The following CDH12 variants were observed in gnomAD, a reference collection of about 807,000 sequenced individuals.
CDH12 encodes the protein cadherin-12.
In CDH12, 41 loss-of-function variants were observed where a neutral mutation model predicts 74.1. The observed-to-expected ratio is 0.55, with a 90% CI of 0.43 to 0.72. The LOEUF (loss-of-function observed/expected upper bound fraction) is 0.72. Ranked by LOEUF, CDH12 falls within the 30% of genes least tolerant of loss-of-function variation. The probability of loss-of-function intolerance (pLI) is 0.00; values close to 1 mark genes in which losing one functional copy is unlikely to be tolerated. For missense variants in CDH12, 945 were observed against 977.2 expected (o/e 0.97, Z 0.44); for synonymous variants, 399 against 355.0 (o/e 1.12, Z -1.39).
rs1372983211 is a variant in CDH12, at chr5:22,387,606, A to G, written c.-333+17651T>C. Among the ~76,000 whole-genome samples, 3 of 152,186 alleles carry G rather than the reference A, an allele frequency of 2.0e-5. No homozygotes were observed. The East Asian group carries it at 5.8e-4, about 29-fold the overall frequency. ...ATAGAATATTGAATATGTAGGATAG[A>G]AGTCAGTTATCTCAGTAAAGTGGTA... On this transcript the variant is annotated intron_variant, in intron 3 of 14. Coordinates refer to ENST00000382254, the MANE Select transcript of CDH12 (RefSeq NM_004061.5).
intron 6 of CDH12, among the ~76,000 whole-genome samples, chr5:21,899,268 A>G (rs1753272531): frequency 6.6e-6 from 1 of 152,214 alleles, no homozygotes; most frequent in African/African-American, 2.4e-5. Flanking sequence ...CTTTATGTAC[A>G]CATTAGCTTT....
intron 4 of CDH12, among the ~76,000 whole-genome samples, chr5:22,111,028 T>C (rs1368394770): frequency 6.6e-6 from 1 of 152,216 alleles, no homozygotes; most frequent in African/African-American, 2.4e-5. Flanking sequence ...TGGCATATTC[T>C]TAACTCCTTG....
chr5:22,210,527 G>T (rs1561223621), intron 4 of CDH12, among the ~76,000 whole-genome samples: 2 of 151,002 alleles, frequency 1.3e-5, no homozygotes, highest in African/African-American at 4.9e-5. Flanking sequence ...GGTACGTATG[G>T]TTGTTTGTTA....
At chr5:22,795,403 C>G (rs13354695) in intron 1 of CDH12, among the ~76,000 whole-genome samples, 386 of 152,060 alleles carry the variant, frequency 2.5e-3, no homozygotes, top group African/African-American at 8.9e-3. Flanking sequence ...AGTCCTAAAC[C>G]TGACATAAGG....
chr5:22,013,005 A>G (rs1737388182), intron 5 of CDH12, among the ~76,000 whole-genome samples: 1 of 148,792 alleles, frequency 6.7e-6, no homozygotes, highest in Non-Finnish European at 1.5e-5. Flanking sequence ...ATTGTATTAC[A>G]ATTTATACCA....
chr5:22,591,289 G>C (rs1736302405), intron 1 of CDH12, among the ~76,000 whole-genome samples: 1 of 152,118 alleles, frequency 6.6e-6, no homozygotes, highest in Admixed American at 6.6e-5. Flanking sequence ...TTGGTCAACT[G>C]AGAAAGAGTA....
At chr5:22,719,135 T>A (rs1158982824) in intron 1 of CDH12, among the ~76,000 whole-genome samples, 1 of 152,152 alleles carries the variant, frequency 6.6e-6, no homozygotes. Flanking sequence ...AGGGCAGTCT[T>A]GTGGGGATGG....
At chr5:22,192,670 G>C (rs887760525) in intron 4 of CDH12, among the ~76,000 whole-genome samples, 1 of 152,012 alleles carries the variant, frequency 6.6e-6, no homozygotes, top group Non-Finnish European at 1.5e-5. Flanking sequence ...AATGGTGAGA[G>C]GTAAGGAGGG....
intron 3 of CDH12, among the ~76,000 whole-genome samples, chr5:22,222,923 T>G (rs77432088): frequency 0.01 from 1,547 of 152,110 alleles, 27 homozygotes; most frequent in African/African-American, 0.036. Flanking sequence ...TTCTAATTAT[T>G]CAAGAATTAT....
At chr5:22,543,409 G>A (rs941290135) in intron 1 of CDH12, among the ~76,000 whole-genome samples, 1 of 151,890 alleles carries the variant, frequency 6.6e-6, no homozygotes, top group African/African-American at 2.4e-5. Flanking sequence ...CAGAAAACCT[G>A]GTGAACTCAG....
intron 1 of CDH12, among the ~76,000 whole-genome samples, chr5:22,615,745 C>T (rs561146199): frequency 6.6e-6 from 1 of 152,176 alleles, no homozygotes; most frequent in South Asian, 2.1e-4. Flanking sequence ...TCAGTACAAG[C>T]TACACTGCCA....
chr5:22,510,389 G>T (rs947916056), intron 1 of CDH12, among the ~76,000 whole-genome samples: 1 of 152,084 alleles, frequency 6.6e-6, no homozygotes. Context: ...GAAAAAAAAC[G>T]TATGTTATTG....
chr5:22,810,353 T>C (rs918236810), intron 1 of CDH12, among the ~76,000 whole-genome samples: 1 of 152,202 alleles, frequency 6.6e-6, no homozygotes, highest in African/African-American at 2.4e-5. Context: ...GTAATGAAGA[T>C]AAAATGTAGA....
Position 22,741,131 on chromosome 5 carries a change from G to C in CDH12, c.-523+111927C>G, listed in dbSNP as rs116844713. ...ATTTCTGAAAATTAACCATTGTTTT[G>C]CTTGGACTGAATCATCCTCTCTAAA... On this transcript the variant is annotated intron_variant, in intron 1 of 14. Transcript: ENST00000382254. 2.6e-4 allele frequency among the ~76,000 whole-genome samples: 39 copies of C among 152,164 alleles called. No individual in the cohort carries two copies. In the East Asian group the frequency reaches 6.0e-3, roughly 23 times the overall value.
intron 2 of CDH12, among the ~76,000 whole-genome samples, chr5:22,443,559 G>A (rs1459527250): frequency 6.6e-6 from 1 of 152,002 alleles, no homozygotes; most frequent in Non-Finnish European, 1.5e-5. Flanking sequence ...CATGGATCAG[G>A]AAATATGGAT....
At chr5:21,825,841 G>T (rs750827606) in intron 8 of CDH12, among the ~76,000 whole-genome samples, 7 of 152,276 alleles carry the variant, frequency 4.6e-5, no homozygotes, top group Admixed American at 2.0e-4. Flanking sequence ...CCACCTTGCA[G>T]CTCTCTCCTT....
At chr5:22,570,214 C>A (rs1275026515) in intron 1 of CDH12, among the ~76,000 whole-genome samples, 1 of 151,964 alleles carries the variant, frequency 6.6e-6, no homozygotes, top group African/African-American at 2.4e-5. Flanking sequence ...CACCACCACA[C>A]CTGGCTAATT....
At chr5:22,330,899 C>T (rs1739322873) in intron 3 of CDH12, among the ~76,000 whole-genome samples, 1 of 152,044 alleles carries the variant, frequency 6.6e-6, no homozygotes, top group Non-Finnish European at 1.5e-5. Context: ...TCTGGACATA[C>T]CATGGGCCAA....
intron 2 of CDH12, among the ~76,000 whole-genome samples, chr5:22,465,488 A>T (rs1170511290): frequency 6.6e-6 from 1 of 152,246 alleles, no homozygotes; most frequent in South Asian, 2.1e-4. Context: ...TCCACAAAAA[A>T]TTTAAAAATT....
Sources: allele counts gnomAD v4.1 joint callset (sites outside exome capture counted in the v4.1 genomes callset), GRCh38; gene constraint gnomAD v4.1.1; transcripts MANE v1.5; gene names NCBI Gene and HGNC (gene_info 2026-07-23, HGNC 2026-07-21).